The following ZNF804B variants were observed in gnomAD, a reference collection of about 807,000 sequenced individuals.
The protein encoded by ZNF804B is zinc finger 804B.
Under a neutral mutation model 101.4 loss-of-function variants are expected in ZNF804B, and 80 were observed. That is an observed-to-expected ratio of 0.79 (90% CI 0.66 to 0.95). The LOEUF is 0.95. Ranked by LOEUF, ZNF804B falls within the 40% of genes least tolerant of loss-of-function variation. ZNF804B has a pLI of 0.00. For synonymous variants in ZNF804B, 622 were observed against 558.8 expected (o/e 1.11, Z -1.59); for missense variants, 1,673 against 1,561.9 (o/e 1.07, Z -1.20).
chr7:89,153,432 A>G (rs12532025), intron 1 of ZNF804B, among the ~76,000 whole-genome samples: 8,675 of 69,356 alleles, frequency 0.13, 335 homozygotes, highest in Middle Eastern at 0.2. Context: ...TGATGATGAT[A>G]ATAATAATAA....
rs536603871 is a variant in ZNF804B, at chr7:89,083,752, A to G, written c.109-134403A>G. ...TGAAGATTTTTTTTTCAGAAATTAA[A>G]AGCTATAACCTATGGATTAAGTTTA... On this transcript the variant is annotated intron_variant, in intron 1 of 3. Transcript: ENST00000333190. Among the ~76,000 whole-genome samples the G allele has an allele frequency of 1.0e-3, 156 of 152,016 alleles. 1 individual carries two copies. The highest frequency in any genetic ancestry group is 3.5e-3 in the African/African-American group (147 of 41,528).
intron 1 of ZNF804B, among the ~76,000 whole-genome samples, chr7:88,806,430 G>A (rs578258773): frequency 5.3e-5 from 8 of 152,156 alleles, no homozygotes; most frequent in African/African-American, 1.7e-4. Context: ...GAGTAACTTT[G>A]TTTTAATCAT....
intron 1 of ZNF804B, among the ~76,000 whole-genome samples, chr7:88,858,540 A>G (rs533532158): frequency 6.6e-6 from 1 of 152,262 alleles, no homozygotes; most frequent in East Asian, 1.9e-4. Context: ...ATAGTTGGTG[A>G]AAATAGAAAA....
At chr7:88,867,687 C>G (rs1046889953) in intron 1 of ZNF804B, among the ~76,000 whole-genome samples, 3 of 152,116 alleles carry the variant, frequency 2.0e-5, no homozygotes, top group Non-Finnish European at 2.9e-5. Flanking sequence ...ATGCAACTTT[C>G]TAACAATATG....
intron 1 of ZNF804B, among the ~76,000 whole-genome samples, chr7:89,099,960 C>G (rs957417327): frequency 2.6e-5 from 4 of 152,082 alleles, no homozygotes; most frequent in African/African-American, 7.2e-5. Flanking sequence ...GGTCATATGG[C>G]TCATCTGAAA....
intron 1 of ZNF804B, among the ~76,000 whole-genome samples, chr7:88,868,052 T>A (rs1003709440): frequency 2.4e-3 from 253 of 105,606 alleles, no homozygotes; most frequent in African/African-American, 8.8e-3. Context: ...TGTGTGAGTG[T>A]GTGTGTGTGT....
At position 89,069,632 on chromosome 7, in the gene ZNF804B, C is replaced by A. The variant is rs974019975; in HGVS notation, c.109-148523C>A. 5.3e-5 allele frequency among the ~76,000 whole-genome samples: 8 copies of A among 151,944 alleles called. No homozygotes were observed. The South Asian group carries it at 1.7e-3, about 32-fold the overall frequency. On this transcript the variant is annotated intron_variant, in intron 1 of 3. Coordinates refer to ENST00000333190, the MANE Select transcript of ZNF804B (RefSeq NM_181646.5). Reference sequence around the variant, plus strand: ...TATGAACATTATCTTAATGGCTGCACAATATTCCATTTTATGATTGCATTA... The same window carrying A: ...TATGAACATTATCTTAATGGCTGCAAAATATTCCATTTTATGATTGCATTA...
At position 89,281,002 on chromosome 7, in the gene ZNF804B, A is replaced by T. The variant is rs116953351; in HGVS notation, c.250-46342A>T. Among the ~76,000 whole-genome samples, 277 of 152,330 alleles carry T rather than the reference A, an allele frequency of 1.8e-3. 8 individuals carry two copies. In the East Asian group the frequency reaches 0.05, roughly 28 times the overall value. ...GTGTTTTGTAGTAAATTTCAAAAATATCATGACCATCTGCACCATTCTTTC... is the reference window on the plus strand; with the variant it reads ...GTGTTTTGTAGTAAATTTCAAAAATTTCATGACCATCTGCACCATTCTTTC... On this transcript the variant is annotated intron_variant, in intron 2 of 3. Coordinates refer to ENST00000333190, the MANE Select transcript of ZNF804B (RefSeq NM_181646.5).
At chr7:89,170,940 G>A (rs566833858) in intron 1 of ZNF804B, among the ~76,000 whole-genome samples, 1 of 152,172 alleles carries the variant, frequency 6.6e-6, no homozygotes, top group Admixed American at 6.6e-5. Flanking sequence ...TCACCTCTCA[G>A]CCCCAAAACA....
chr7:88,883,586 C>T (rs1251075460), intron 1 of ZNF804B, among the ~76,000 whole-genome samples: 2 of 152,072 alleles, frequency 1.3e-5, no homozygotes, highest in Non-Finnish European at 2.9e-5. Flanking sequence ...TGTATAGGAG[C>T]AAACATCTTC....
At chr7:89,178,883 C>T (rs574940013) in intron 1 of ZNF804B, among the ~76,000 whole-genome samples, 136 of 152,118 alleles carry the variant, frequency 8.9e-4, no homozygotes, top group South Asian at 2.3e-3. Flanking sequence ...ACCTTTTGTT[C>T]GTCTGGGAAA....
intron 1 of ZNF804B, among the ~76,000 whole-genome samples, chr7:88,803,114 G>C (rs1372468322): frequency 2.0e-5 from 3 of 151,690 alleles, no homozygotes; most frequent in Non-Finnish European, 1.5e-5. Flanking sequence ...TATTTGTTTT[G>C]TATTTTCCAA....
At chr7:88,760,325 A>G (rs191571725) in intron 1 of ZNF804B, among the ~76,000 whole-genome samples, 1 of 152,346 alleles carries the variant, frequency 6.6e-6, no homozygotes, top group African/African-American at 2.4e-5. Context: ...CTATAGTGCT[A>G]CGGATGTAAA....
At chr7:89,137,510 CT>C (rs1790655303) in intron 1 of ZNF804B, among the ~76,000 whole-genome samples, 1 of 152,028 alleles carries the variant, frequency 6.6e-6, no homozygotes, top group Non-Finnish European at 1.5e-5. Flanking sequence ...CATTTTGTCC[CT>C]GCCCTAGAGA....
chr7:89,021,950 C>G (rs1404682213), intron 1 of ZNF804B, among the ~76,000 whole-genome samples: 1 of 152,158 alleles, frequency 6.6e-6, no homozygotes, highest in Non-Finnish European at 1.5e-5. Context: ...TTCCTGGCAG[C>G]TCTCTAAACT....
intron 1 of ZNF804B, among the ~76,000 whole-genome samples, chr7:88,995,249 T>A (rs564657469): frequency 1.2e-4 from 19 of 152,102 alleles, no homozygotes; most frequent in African/African-American, 4.6e-4. Flanking sequence ...TGAGAGTAAG[T>A]TGGTAGAAAG....
At chr7:89,239,907 T>A (rs1278108797) in intron 2 of ZNF804B, among the ~76,000 whole-genome samples, 1 of 151,724 alleles carries the variant, frequency 6.6e-6, no homozygotes, top group East Asian at 1.9e-4. Flanking sequence ...TTATATATGG[T>A]CTCTTATAAT....
At chr7:89,222,777 T>G (rs1049032730) in intron 2 of ZNF804B, among the ~76,000 whole-genome samples, 15 of 151,940 alleles carry the variant, frequency 9.9e-5, no homozygotes, top group African/African-American at 3.4e-4. Flanking sequence ...CATGGTAAAC[T>G]AATTTAACAC....
At chr7:89,190,428 C>G (rs989239565) in intron 1 of ZNF804B, among the ~76,000 whole-genome samples, 2 of 151,362 alleles carry the variant, frequency 1.3e-5, no homozygotes, top group East Asian at 3.9e-4. Flanking sequence ...TTTTAACAGA[C>G]AAGGAGTTGC....
Sources: gnomAD v4.1 joint callset for allele counts (sites outside exome capture counted in the v4.1 genomes callset) on GRCh38, gnomAD v4.1.1 for gene constraint, MANE v1.5 for transcripts, NCBI Gene and HGNC (gene_info 2026-07-23, HGNC 2026-07-21) for gene names.